Variants in ZBED6 observed in about 807,000 individuals in gnomAD.
ZBED6 encodes zinc finger BED-type containing 6.
Under a neutral mutation model 58.4 loss-of-function variants are expected in ZBED6, and 40 were observed. That is an observed-to-expected ratio of 0.68 (90% CI 0.53 to 0.89). ZBED6 has a LOEUF of 0.89. Among genes scored for constraint, ZBED6 ranks in the 40% least tolerant of loss-of-function variants. The pLI is 0.00. For synonymous variants in ZBED6, 439 were observed against 350.6 expected (o/e 1.25, Z -2.82); for missense variants, 1,057 against 1,003.9 (o/e 1.05, Z -0.71).
chr1:203,815,646 A>G (rs138807030), intron 1 of ZBED6, among the ~76,000 whole-genome samples: 4 of 152,322 alleles, frequency 2.6e-5, no homozygotes, highest in East Asian at 1.9e-4. Context: ...ACATTTGGGT[A>G]CATGTTTAGT....
chr1:203,806,017 T>C (rs1672204844), intron 1 of ZBED6: 1 of 552,348 alleles, frequency 1.8e-6, no homozygotes, highest in Non-Finnish European at 3.5e-6. Context: ...GTTGAATGAC[T>C]CTTGGGTGCG....
chr1:203,806,697 C>T (rs1305101747), intron 1 of ZBED6, among the ~76,000 whole-genome samples: 2 of 152,058 alleles, frequency 1.3e-5, no homozygotes, highest in African/African-American at 4.8e-5. Context: ...TTTCGCTTAT[C>T]TTGAGTTAGT....
chr1:203,829,214 C>T (rs570604274), intron 4 of ZBED6: 4 of 559,640 alleles, frequency 7.1e-6, no homozygotes, highest in African/African-American at 1.9e-5. Flanking sequence ...TTCTAGTCTT[C>T]TGTTGATTCT....
chr1:203,818,075 G>A (rs12049605), intron 2 of ZBED6, among the ~76,000 whole-genome samples: 28,917 of 152,014 alleles, frequency 0.19, 3,401 homozygotes, highest in East Asian at 0.45. Flanking sequence ...TGAGTTTTGA[G>A]CAAAGCTGTG....
chr1:203,840,349 T>C, exon 11 of ZBED6: 1 of 1,613,384 alleles, frequency 6.2e-7, no homozygotes, highest in Admixed American at 1.7e-5. Context: ...GCATGTCAGC[T>C]GATCCAGATA....
At chr1:203,849,967 T>C (rs375770187) in exon 14 of ZBED6, 4 of 1,613,990 alleles carry the variant, frequency 2.5e-6, no homozygotes, top group Non-Finnish European at 2.5e-6. Context: ...ACCTCAGGGA[T>C]TGGAGACTCA....
exon 1 of ZBED6, chr1:203,798,842 G>A: frequency 6.5e-7 from 1 of 1,536,106 alleles, no homozygotes; most frequent in Non-Finnish European, 8.7e-7. Context: ...TGCAGATTGT[G>A]GCCCCTGATT....
Position 203,837,947 on chromosome 1 carries a change from A to G in ZBED6, c.*3574-19A>G, listed in dbSNP as rs749693123. On this transcript the variant is annotated intron_variant, in intron 9 of 16. Coordinates refer to ENST00000550078, the Ensembl canonical transcript of ZBED6. ...GAAGATTGACTTGAAATCTTAAACT[A>G]AGTTCTCCCTCTTTATAGGCGGTGA... 6.9e-6 allele frequency: 11 copies of G among 1,600,358 alleles called. No individual in the cohort carries two copies. In the South Asian group the frequency reaches 1.2e-4, roughly 18 times the overall value.
Position 203,842,602 on chromosome 1 carries a change from AGAGGGG to A in ZBED6, c.*3741+2243_*3741+2248del, listed in dbSNP as rs1409292842. ...TGGTGGCATCAGAGGGAGACCGGGG[AGAGGGG>A]GAGGGGGAGGGGGAATCTTTTTTTT... On this transcript the variant is annotated intron_variant, in intron 11 of 16. Transcript: ENST00000550078. Among the ~76,000 whole-genome samples the A allele has an allele frequency of 1.7e-4, 18 of 103,454 alleles. No homozygotes were observed. The South Asian group carries it at 4.0e-3, about 23-fold the overall frequency. 67.9% of individuals were successfully genotyped at this position (103,454 alleles called of 152,430 possible).
Position 203,829,659 on chromosome 1 carries a change from G to A in ZBED6, c.*3201+5G>A, listed in dbSNP as rs1329245675. On this transcript the variant is annotated splice_donor_5th_base_variant and intron_variant, in intron 5 of 16. Coordinates refer to ENST00000550078, the Ensembl canonical transcript of ZBED6. Reference sequence around the variant, plus strand: ...ATGATGATGAAGATGATGATGGTAAGTTCTGTCTGGCTCCTTCTTTAAGGC... The same window carrying A: ...ATGATGATGAAGATGATGATGGTAAATTCTGTCTGGCTCCTTCTTTAAGGC... 6.2e-7 allele frequency: 1 copy of A among 1,614,220 alleles called. No homozygotes were observed. The highest frequency in any genetic ancestry group is 1.7e-5 in the Admixed American group (1 of 60,028).
intron 16 of ZBED6, 65 bp downstream of exon 16, chr1:203,851,189 A>G: frequency 7.2e-7 from 1 of 1,382,468 alleles, no homozygotes; most frequent in Non-Finnish European, 1.0e-6. Flanking sequence ...CTCTCTAGAG[A>G]ATAACACTGA....
At chr1:203,849,905 G>T in exon 14 of ZBED6, 1 of 1,614,116 alleles carries the variant, frequency 6.2e-7, no homozygotes, top group Non-Finnish European at 8.5e-7. Flanking sequence ...GAATCACACG[G>T]CACCTGACCA....
At chr1:203,799,074 G>T in exon 1 of ZBED6, 2 of 1,536,102 alleles carry the variant, frequency 1.3e-6, no homozygotes, top group Non-Finnish European at 8.7e-7. Context: ...CAGGATCCCC[G>T]ATTTTAGAAA....
At chr1:203,805,394 G>A (rs1158544421) in intron 1 of ZBED6, among the ~76,000 whole-genome samples, 4 of 152,082 alleles carry the variant, frequency 2.6e-5, no homozygotes, top group Admixed American at 1.3e-4. Context: ...GCCTTTCAAA[G>A]TGCTGGGATT....
At chr1:203,835,845 T>C (rs1684148538) in intron 9 of ZBED6, 1 of 241,062 alleles carries the variant, frequency 4.1e-6, no homozygotes, top group Admixed American at 4.4e-5. Flanking sequence ...AGCTATGTGC[T>C]CCCTTTTTTT....
intron 3 of ZBED6, 142 bp downstream of exon 3, chr1:203,818,831 A>G: frequency 7.5e-7 from 1 of 1,328,768 alleles, no homozygotes; most frequent in Non-Finnish European, 1.0e-6. Flanking sequence ...GCACTTTGGG[A>G]GGCTGAGGCG....
chr1:203,837,252 C>T (rs1383943212), intron 9 of ZBED6, among the ~76,000 whole-genome samples: 1 of 148,978 alleles, frequency 6.7e-6, no homozygotes, highest in East Asian at 2.0e-4. Flanking sequence ...GATTGCACCA[C>T]TGCACTCCAG....
exon 1 of ZBED6, chr1:203,797,872 G>A (rs959928502): frequency 8.5e-6 from 13 of 1,536,074 alleles, no homozygotes; most frequent in Non-Finnish European, 1.0e-5. Context: ...CTTTTTGAGA[G>A]CAATATAGAA....
exon 1 of ZBED6, chr1:203,801,972 G>A (rs554347293): frequency 2.4e-4 from 36 of 152,720 alleles, no homozygotes; most frequent in Non-Finnish European, 4.3e-4. Flanking sequence ...CCTAGGCTGC[G>A]TAAGCAAGCC....
Sources: allele counts gnomAD v4.1 joint callset (sites outside exome capture counted in the v4.1 genomes callset), GRCh38; gene constraint gnomAD v4.1.1; transcripts MANE v1.5; gene names NCBI Gene and HGNC (gene_info 2026-07-23, HGNC 2026-07-21).